Variants in DYM observed in about 807,000 individuals in gnomAD.
DYM encodes the protein dymeclin, also known as dyggve-Melchior-Clausen syndrome protein.
A neutral mutation model predicts 93.1 loss-of-function variants in DYM; 78 were observed. The ratio of observed to expected loss-of-function variants is 0.84; its 90% CI spans 0.70 to 1.01. The LOEUF is 1.01. Ranked by LOEUF, DYM falls within the 50% of genes least tolerant of loss-of-function variation. The pLI is 0.00. For synonymous variants in DYM, 321 were observed against 319.7 expected (o/e 1.00, Z -0.04); for missense variants, 789 against 845.0 (o/e 0.93, Z 0.82).
intron 5 of DYM, among the ~76,000 whole-genome samples, chr18:49,374,292 T>C (rs1413872897): frequency 1.3e-5 from 2 of 152,170 alleles, no homozygotes; most frequent in Admixed American, 6.5e-5. Context: ...CTTGATTAAG[T>C]CTATACTATA....
chr18:49,043,847 C>T lies in DYM; in HGVS notation c.*208G>A. The T allele has an allele frequency of 1.6e-6, 1 of 629,610 alleles. No individual in the cohort carries two copies. Among genetic ancestry groups the T allele is most frequent in the Non-Finnish European group, 2.8e-6 (1 of 357,966 alleles). The allele number at this position is 629,610 out of a possible 1,614,324, so 39.0% of individuals were successfully genotyped here. ...TTTATTATTGTTGTGTATTTCCTCC[C>T]CTTTTTGCAATACTATCTACGCTGA... On this transcript the variant is annotated 3_prime_UTR_variant, in exon 18 of 18. Transcript: ENST00000675505.
chr18:49,079,862 C>G (rs572976324), intron 17 of DYM, among the ~76,000 whole-genome samples: 1 of 151,452 alleles, frequency 6.6e-6, no homozygotes, highest in Non-Finnish European at 1.5e-5. Context: ...CCTTCCCCCC[C>G]TTTCTATTCC....
chr18:49,205,659 T>A (rs545598409), intron 14 of DYM, among the ~76,000 whole-genome samples: 2 of 152,208 alleles, frequency 1.3e-5, no homozygotes, highest in Non-Finnish European at 2.9e-5. Flanking sequence ...GGCCAAGGTA[T>A]TTAAGCTGAA....
intron 2 of DYM, among the ~76,000 whole-genome samples, chr18:49,408,187 T>C (rs1171066392): frequency 1.3e-5 from 2 of 152,190 alleles, no homozygotes; most frequent in Non-Finnish European, 2.9e-5. Flanking sequence ...GTTATACACA[T>C]GGTTTTATAA....
chr18:49,236,947 T>A (rs2093885313), intron 13 of DYM, among the ~76,000 whole-genome samples: 1 of 152,216 alleles, frequency 6.6e-6, no homozygotes, highest in African/African-American at 2.4e-5. Context: ...TTAACGAAGC[T>A]CAAGACACAC....
intron 10 of DYM, among the ~76,000 whole-genome samples, chr18:49,273,863 T>C (rs962388587): frequency 1.3e-5 from 2 of 151,364 alleles, no homozygotes; most frequent in Admixed American, 6.6e-5. Context: ...ATCTTACCTA[T>C]AGTACATAAT....
At chr18:49,230,021 G>T (rs1212932787) in intron 13 of DYM, among the ~76,000 whole-genome samples, 1 of 152,102 alleles carries the variant, frequency 6.6e-6, no homozygotes, top group East Asian at 1.9e-4. Flanking sequence ...AAGTGGCAAA[G>T]GAAAACTAAA....
chr18:49,093,070 T>C (rs2079205303), intron 17 of DYM: 1 of 152,134 alleles, frequency 6.6e-6, no homozygotes. Flanking sequence ...CCCACGAATA[T>C]GTATTGAATG....
At chr18:49,080,651 A>C (rs1174091638) in intron 17 of DYM, among the ~76,000 whole-genome samples, 10 of 121,150 alleles carry the variant, frequency 8.3e-5, no homozygotes, top group South Asian at 2.9e-4. Flanking sequence ...GACCCCCCCC[A>C]CCTCCCTCCC....
intron 14 of DYM, among the ~76,000 whole-genome samples, chr18:49,184,264 G>T (rs145269858): frequency 1.1e-3 from 173 of 151,766 alleles, no homozygotes; most frequent in African/African-American, 3.9e-3. Context: ...GCGGGGGAAG[G>T]GAAGTGGCCT....
intron 15 of DYM, among the ~76,000 whole-genome samples, chr18:49,130,675 G>A (rs757594014): frequency 3.3e-5 from 5 of 152,060 alleles, no homozygotes; most frequent in Non-Finnish European, 2.9e-5. Flanking sequence ...TTTACTATGA[G>A]TACATCAATA....
intron 15 of DYM, among the ~76,000 whole-genome samples, chr18:49,150,768 T>A (rs1002572522): frequency 6.6e-6 from 1 of 152,160 alleles, no homozygotes; most frequent in Admixed American, 6.5e-5. Flanking sequence ...ATGTTCCTCA[T>A]GATGTCAAGC....
chr18:49,336,859 G>T (rs2063713067), intron 6 of DYM, among the ~76,000 whole-genome samples: 1 of 152,094 alleles, frequency 6.6e-6, no homozygotes, highest in Non-Finnish European at 1.5e-5. Flanking sequence ...AGTAACTATG[G>T]GATCAAAAGA....
chr18:49,061,346 G>T (rs2075971135), intron 17 of DYM, among the ~76,000 whole-genome samples: 1 of 152,136 alleles, frequency 6.6e-6, no homozygotes, highest in South Asian at 2.1e-4. Flanking sequence ...CCCAGGCAGA[G>T]GAATAATAGA....
intron 14 of DYM, among the ~76,000 whole-genome samples, chr18:49,199,769 G>A (rs974382372): frequency 6.6e-6 from 1 of 152,248 alleles, no homozygotes; most frequent in Non-Finnish European, 1.5e-5. Flanking sequence ...AACTTGTTTT[G>A]AGGAAACTCA....
chr18:49,282,124 T>C lies in DYM; in HGVS notation c.998A>G (p.Asn333Ser). The change falls in exon 10 of 18, where the codon AAT becomes AGT. Residue 333 changes from asparagine (N) to serine (S), a missense_variant. By Grantham distance (46) the Asn-to-Ser change is conservative. Coordinates refer to ENST00000675505, the MANE Select transcript of DYM (RefSeq NM_001353214.3). ...SIPHAFQINFNSLYTALCEQQ... is the reference protein window; with the variant it reads ...SIPHAFQINFSSLYTALCEQQ... ...TTCACAAAGAGCTGTGTACAAACTA[T>C]TAAAGTTGATCTGGAAGGCATGTGG... 6.2e-7 allele frequency: 1 copy of C among 1,613,974 alleles called. No individual in the cohort carries two copies. Among genetic ancestry groups the C allele is most frequent in the South Asian group, 1.1e-5 (1 of 91,084 alleles).
intron 16 of DYM, among the ~76,000 whole-genome samples, chr18:49,106,185 C>T (rs144650404): frequency 0.014 from 2,119 of 152,172 alleles, 98 homozygotes; most frequent in Admixed American, 0.091. Context: ...TCTCTTTTGA[C>T]CTTTGTTGGT....
At chr18:49,302,322 T>C (rs1211501817) in intron 8 of DYM, among the ~76,000 whole-genome samples, 1 of 152,116 alleles carries the variant, frequency 6.6e-6, no homozygotes, top group Non-Finnish European at 1.5e-5. Context: ...CCATCATGAT[T>C]AGCAAAGCAT....
At position 49,420,207 on chromosome 18, in the gene DYM, G is replaced by A. The variant is rs949505795; in HGVS notation, c.140+10048C>T. Among the ~76,000 whole-genome samples the A allele has an allele frequency of 1.6e-4, 21 of 131,748 alleles. No individual in the cohort carries two copies. In the East Asian group the frequency reaches 1.8e-3, roughly 11 times the overall value. 86.4% of individuals were successfully genotyped at this position (131,748 alleles called of 152,430 possible). ...TTTGAGATGGAGTCTTGCTCTTGTC[G>A]CCCAGGCTGGAGTGCAATGGCGCGA... is the stretch of plus-strand genomic sequence containing the variant. On this transcript the variant is annotated intron_variant, in intron 2 of 17. Coordinates refer to ENST00000675505, the MANE Select transcript of DYM (RefSeq NM_001353214.3).
Sources: gnomAD v4.1 joint callset for allele counts (sites outside exome capture counted in the v4.1 genomes callset) on GRCh38, gnomAD v4.1.1 for gene constraint, MANE v1.5 for transcripts, NCBI Gene and HGNC (gene_info 2026-07-23, HGNC 2026-07-21) for gene names.